ANK3: variants seen among roughly 807,000 people sequenced by gnomAD.
ANK3 encodes ankyrin-3.
A neutral mutation model predicts 370.9 loss-of-function variants in ANK3; 57 were observed. That is an observed-to-expected ratio of 0.15 (90% CI 0.12 to 0.19). ANK3 has a LOEUF of 0.19. Among genes scored for constraint, ANK3 ranks in the 10% least tolerant of loss-of-function variants. The pLI is 1.00. For missense variants in ANK3, 4,439 were observed against 5,302.1 expected, an observed-to-expected ratio of 0.84 and a Z score of 5.06; for synonymous variants, 1,929 against 1,946.3, an observed-to-expected ratio of 0.99 and a Z score of 0.23.
intron 36 of ANK3, among the ~76,000 whole-genome samples, chr10:60,078,356 A>C (rs980556931): frequency 1.3e-5 from 2 of 152,208 alleles, no homozygotes; most frequent in African/African-American, 4.8e-5. Flanking sequence ...TTCTTGCCAT[A>C]ATTCTCAATA....
chr10:60,679,026 AG>A (rs60884998), intron 1 of ANK3, among the ~76,000 whole-genome samples: 1,843 of 152,284 alleles, frequency 0.012, 32 homozygotes, highest in African/African-American at 0.042. Context: ...TGGTAAAGAG[AG>A]TGCTCAGGGT....
At position 60,176,196 on chromosome 10, in the gene ANK3, C is replaced by CAAAA. The variant is rs553748635; in HGVS notation, c.2185-3014_2185-3011dup. ...TAAAAATACAAAAAAAAAAAAAAAA[C>CAAAA]AAAAAAAAACAAAAAACAATTAGCC... On this transcript the variant is annotated intron_variant, in intron 18 of 43. Transcript: ENST00000280772. Among the ~76,000 whole-genome samples the CAAAA allele has an allele frequency of 3.4e-3, 469 of 136,436 alleles. 4 individuals are homozygous for CAAAA. Among genetic ancestry groups the CAAAA allele is most frequent in the African/African-American group, 0.012 (447 of 36,410 alleles). 89.5% of individuals were successfully genotyped at this position (136,436 alleles called of 152,430 possible).
At chr10:60,103,563 A>C (rs2091681296) in intron 28 of ANK3, among the ~76,000 whole-genome samples, 2 of 152,250 alleles carry the variant, frequency 1.3e-5, no homozygotes, top group Admixed American at 6.5e-5. Context: ...GGATATGAAA[A>C]GAGTGGCGAG....
intron 1 of ANK3, among the ~76,000 whole-genome samples, chr10:60,323,598 G>C (rs1240147115): frequency 2.6e-5 from 4 of 152,094 alleles, no homozygotes; most frequent in African/African-American, 9.7e-5. Flanking sequence ...ATATAAATTT[G>C]GTAGTTATCA....
chr10:60,687,158 T>C (rs2079279192), intron 1 of ANK3, among the ~76,000 whole-genome samples: 2 of 152,220 alleles, frequency 1.3e-5, no homozygotes, highest in African/African-American at 4.8e-5. Context: ...AATCTTCTAA[T>C]GACACATTCT....
At chr10:60,569,199 T>A (rs2077533788) in intron 2 of ANK3, among the ~76,000 whole-genome samples, 1 of 152,208 alleles carries the variant, frequency 6.6e-6, no homozygotes, top group Non-Finnish European at 1.5e-5. Context: ...TCCTGTGTCA[T>A]CTCTTCTATA....
chr10:60,358,198 A>T (rs1262080320), intron 1 of ANK3, among the ~76,000 whole-genome samples: 2 of 151,982 alleles, frequency 1.3e-5, no homozygotes, highest in Non-Finnish European at 2.9e-5. Flanking sequence ...TATCTGCTGC[A>T]TTTCACCATA....
At chr10:60,270,069 C>T (rs2097946155) in intron 5 of ANK3, 62 bp downstream of exon 5, 3 of 1,122,428 alleles carry the variant, frequency 2.7e-6, no homozygotes, top group Non-Finnish European at 2.5e-6. Flanking sequence ...TTCACAACTC[C>T]AGGTTTTCAA....
chr10:60,600,558 G>A (rs1236317695), intron 2 of ANK3, among the ~76,000 whole-genome samples: 1 of 152,010 alleles, frequency 6.6e-6, no homozygotes, highest in Non-Finnish European at 1.5e-5. Flanking sequence ...AATTTTTAAT[G>A]TGTTTATTCT....
At position 60,209,073 on chromosome 10, in the gene ANK3, T is replaced by C. The variant is rs536067578; in HGVS notation, c.997-840A>G. On this transcript the variant is annotated intron_variant, in intron 9 of 43. Transcript: ENST00000280772. The stretch of plus-strand genomic sequence containing the variant: ...CCTAGAATGACACTGGCACTCAATA[T>C]GTTTCCTAATGAAGGCAAAACAAGC... Among the ~76,000 whole-genome samples, 3 of 152,298 alleles carry C rather than the reference T, an allele frequency of 2.0e-5. No homozygotes were observed. In the East Asian group the frequency reaches 5.8e-4, roughly 29 times the overall value.
intron 4 of ANK3, among the ~76,000 whole-genome samples, chr10:60,271,308 G>A (rs956541490): frequency 5.3e-5 from 8 of 151,874 alleles, no homozygotes; most frequent in African/African-American, 1.9e-4. Flanking sequence ...GGGCTCAAAC[G>A]ATCCTTCTGC....
intron 1 of ANK3, among the ~76,000 whole-genome samples, chr10:60,708,094 G>C (rs2079645917): frequency 6.6e-6 from 1 of 152,106 alleles, no homozygotes; most frequent in Non-Finnish European, 1.5e-5. Context: ...CAGGCTGTCA[G>C]AGGTTCTGCC....
chr10:60,716,600 A>G (rs12569489), intron 1 of ANK3, among the ~76,000 whole-genome samples: 47,632 of 152,010 alleles, frequency 0.31, 7,751 homozygotes, highest in South Asian at 0.48. Context: ...TGCAACCTCC[A>G]CCTCCTGGGC....
intron 1 of ANK3, among the ~76,000 whole-genome samples, chr10:60,663,576 TTCAG>T (rs1401888121): frequency 6.6e-6 from 1 of 152,218 alleles, no homozygotes; most frequent in Non-Finnish European, 1.5e-5. Flanking sequence ...TTCCTGTGAC[TTCAG>T]TCACAGCACT....
chr10:60,455,511 C>G (rs1481328458), intron 2 of ANK3, among the ~76,000 whole-genome samples: 2 of 152,116 alleles, frequency 1.3e-5, no homozygotes, highest in Admixed American at 6.6e-5. Context: ...CAGTTTTCAA[C>G]AGTTTATAAT....
Position 60,466,692 on chromosome 10 carries a change from C to T in ANK3, c.96+148494G>A, listed in dbSNP as rs1204151896. 2.0e-5 allele frequency among the ~76,000 whole-genome samples: 3 copies of T among 152,054 alleles called. No homozygotes were observed. In the East Asian group the frequency reaches 5.8e-4, roughly 29 times the overall value. On this transcript the variant is annotated intron_variant, in intron 2 of 43. Transcript: ENST00000373827. ...AAATGTCCTTCAGCTGATGAATAAACAACATGTATATATCTCAATGGAATA... is the reference window on the plus strand; with the variant it reads ...AAATGTCCTTCAGCTGATGAATAAATAACATGTATATATCTCAATGGAATA...
At chr10:60,487,095 T>A (rs371664805) in intron 2 of ANK3, among the ~76,000 whole-genome samples, 2 of 152,260 alleles carry the variant, frequency 1.3e-5, no homozygotes, top group East Asian at 1.9e-4. Flanking sequence ...AAAAAGAAAC[T>A]TAAAAAGAAC....
At chr10:60,572,553 TA>T in intron 2 of ANK3, 1 of 1,532,644 alleles carries the variant, frequency 6.5e-7, no homozygotes, top group Non-Finnish European at 8.7e-7. Flanking sequence ...GGTGAGTTTA[TA>T]AAAGACAGAT....
intron 8 of ANK3, among the ~76,000 whole-genome samples, chr10:60,223,868 G>C (rs1311659964): frequency 1.3e-5 from 2 of 151,660 alleles, no homozygotes; most frequent in Non-Finnish European, 2.9e-5. Flanking sequence ...CGTAATAAAA[G>C]AGCTATGGTT....
Sources: gnomAD v4.1 joint callset for allele counts (sites outside exome capture counted in the v4.1 genomes callset) on GRCh38, gnomAD v4.1.1 for gene constraint, MANE v1.5 for transcripts, NCBI Gene and HGNC (gene_info 2026-07-23, HGNC 2026-07-21) for gene names.